MBOAT2: variants seen among roughly 807,000 people sequenced by gnomAD.
MBOAT2 encodes membrane-bound glycerophospholipid O-acyltransferase 2.
A neutral mutation model predicts 63.4 loss-of-function variants in MBOAT2; 28 were observed. That is an observed-to-expected ratio of 0.44 (90% CI 0.33 to 0.61). MBOAT2 has a LOEUF of 0.61. Ranked by LOEUF, MBOAT2 falls within the 20% of genes least tolerant of loss-of-function variation. The pLI is 0.03. For synonymous variants in MBOAT2, 211 were observed against 215.6 expected, an observed-to-expected ratio of 0.98 and a Z score of 0.19; for missense variants, 470 against 605.8, an observed-to-expected ratio of 0.78 and a Z score of 2.35.
intron 4 of MBOAT2, among the ~76,000 whole-genome samples, chr2:8,899,360 T>C (rs1259625760): frequency 1.3e-5 from 2 of 152,206 alleles, no homozygotes; most frequent in African/African-American, 4.8e-5. Flanking sequence ...AAATACCTGG[T>C]TACAGGCTGT....
intron 1 of MBOAT2, among the ~76,000 whole-genome samples, chr2:8,985,194 A>G (rs1671475146): frequency 6.6e-6 from 1 of 152,228 alleles, no homozygotes; most frequent in African/African-American, 2.4e-5. Context: ...GAGTTAGGTC[A>G]GACACAGACA....
intron 1 of MBOAT2, among the ~76,000 whole-genome samples, chr2:8,994,418 AC>A (rs934511657): frequency 2.2e-4 from 34 of 152,262 alleles, no homozygotes; most frequent in African/African-American, 7.9e-4. Flanking sequence ...AGGGGCGAGG[AC>A]CCCGCATGGG....
chr2:8,980,373 C>T lies in MBOAT2; in HGVS notation c.76-21731G>A, dbSNP rs959697324. Among the ~76,000 whole-genome samples, 4 of 152,194 alleles carry T rather than the reference C, an allele frequency of 2.6e-5. No homozygotes were observed. The East Asian group carries it at 7.7e-4, about 29-fold the overall frequency. On this transcript the variant is annotated intron_variant, in intron 1 of 12. Coordinates refer to ENST00000305997, the MANE Select transcript of MBOAT2 (RefSeq NM_138799.4). Reference sequence around the variant, plus strand: ...CCTAAAGACAAATCCCTGTTCTAGCCCTGACCAAGTAACCTCTGGCATTTA... The same window carrying T: ...CCTAAAGACAAATCCCTGTTCTAGCTCTGACCAAGTAACCTCTGGCATTTA...
At chr2:8,937,879 C>A (rs1415334374) in intron 3 of MBOAT2, among the ~76,000 whole-genome samples, 2 of 152,162 alleles carry the variant, frequency 1.3e-5, no homozygotes, top group African/African-American at 4.8e-5. Flanking sequence ...CATGCTCCTG[C>A]TCTCCTATCA....
At chr2:8,939,997 TCAGAA>T (rs1227160196) in intron 3 of MBOAT2, among the ~76,000 whole-genome samples, 2 of 152,054 alleles carry the variant, frequency 1.3e-5, no homozygotes, top group African/African-American at 4.8e-5. Flanking sequence ...AACAGCATGC[TCAGAA>T]CAGAACAGAT....
At chr2:8,963,882 T>C (rs1339650471) in intron 1 of MBOAT2, among the ~76,000 whole-genome samples, 2 of 152,232 alleles carry the variant, frequency 1.3e-5, no homozygotes, top group Non-Finnish European at 2.9e-5. Flanking sequence ...GCTCAGTAGA[T>C]ACCAGATGTG....
intron 2 of MBOAT2, among the ~76,000 whole-genome samples, chr2:8,953,205 TCTC>T (rs1416763285): frequency 1.3e-5 from 2 of 152,224 alleles, no homozygotes; most frequent in Non-Finnish European, 2.9e-5. Context: ...AGAGTCTAGT[TCTC>T]CTTCACTTAA....
chr2:8,884,616 C>T (rs1663411815), intron 5 of MBOAT2, among the ~76,000 whole-genome samples: 1 of 152,154 alleles, frequency 6.6e-6, no homozygotes, highest in African/African-American at 2.4e-5. Flanking sequence ...TGATTTCAAG[C>T]TTTGCCATAC....
chr2:8,865,522 G>A (rs1049350180), intron 9 of MBOAT2, among the ~76,000 whole-genome samples: 6 of 152,030 alleles, frequency 3.9e-5, no homozygotes, highest in Admixed American at 6.6e-5. Flanking sequence ...TTCAACTGTA[G>A]GAGAAGCTTC....
At chr2:8,936,050 C>G (rs889930437) in intron 3 of MBOAT2, among the ~76,000 whole-genome samples, 1 of 152,150 alleles carries the variant, frequency 6.6e-6, no homozygotes, top group Non-Finnish European at 1.5e-5. Context: ...GTGGCTGATA[C>G]ATAGTTTTAC....
At chr2:8,906,726 G>A (rs1209637424) in intron 4 of MBOAT2, among the ~76,000 whole-genome samples, 1 of 152,246 alleles carries the variant, frequency 6.6e-6, no homozygotes, top group African/African-American at 2.4e-5. Flanking sequence ...TCAAACTGAT[G>A]GAGGGGCTGT....
At chr2:8,901,064 G>T (rs1664884801) in intron 4 of MBOAT2, among the ~76,000 whole-genome samples, 1 of 152,170 alleles carries the variant, frequency 6.6e-6, no homozygotes, top group African/African-American at 2.4e-5. Context: ...CCCTGCCCAA[G>T]AACCTGCAAC....
At chr2:8,985,180 C>G (rs1671473267) in intron 1 of MBOAT2, among the ~76,000 whole-genome samples, 1 of 152,088 alleles carries the variant, frequency 6.6e-6, no homozygotes, top group African/African-American at 2.4e-5. Flanking sequence ...GCTATATTAG[C>G]TGAGAGTTAG....
intron 4 of MBOAT2, among the ~76,000 whole-genome samples, chr2:8,896,681 A>G (rs1454215858): frequency 2.0e-5 from 3 of 152,232 alleles, no homozygotes; most frequent in African/African-American, 7.2e-5. Flanking sequence ...TCCTGATTCT[A>G]TAAGTACTTT....
At chr2:8,999,976 G>T (rs1438071399) in intron 1 of MBOAT2, among the ~76,000 whole-genome samples, 3 of 152,130 alleles carry the variant, frequency 2.0e-5, no homozygotes, top group African/African-American at 7.2e-5. Context: ...TTCCTTCCCT[G>T]GCCTCAGCCT....
chr2:8,887,239 G>C (rs942505300), intron 5 of MBOAT2, among the ~76,000 whole-genome samples: 2 of 152,144 alleles, frequency 1.3e-5, no homozygotes, highest in African/African-American at 4.8e-5. Flanking sequence ...AAGTAGCAGA[G>C]AGTTTTTAAT....
At chr2:8,888,170 C>G (rs1456774206) in intron 4 of MBOAT2, 97 bp from the exon 5 acceptor site, 1 of 1,136,246 alleles carries the variant, frequency 8.8e-7, no homozygotes, top group African/African-American at 1.6e-5. Context: ...TTTATCACTA[C>G]AAATCCTGAA....
intron 3 of MBOAT2, among the ~76,000 whole-genome samples, chr2:8,925,572 G>T (rs1666875261): frequency 6.6e-6 from 1 of 152,202 alleles, no homozygotes; most frequent in African/African-American, 2.4e-5. Context: ...TCTGCTCTTT[G>T]ACTGCAGACA....
intron 1 of MBOAT2, among the ~76,000 whole-genome samples, chr2:8,997,431 T>G (rs746201188): frequency 6.6e-6 from 1 of 152,164 alleles, no homozygotes; most frequent in Non-Finnish European, 1.5e-5. Context: ...AAAACCACTT[T>G]TGACTCCAAA....
Sources: gnomAD v4.1 joint callset for allele counts (sites outside exome capture counted in the v4.1 genomes callset) on GRCh38, gnomAD v4.1.1 for gene constraint, MANE v1.5 for transcripts, NCBI Gene and HGNC (gene_info 2026-07-23, HGNC 2026-07-21) for gene names.